The following NLRC4 variants were observed in gnomAD, a reference collection of about 807,000 sequenced individuals.
The protein encoded by NLRC4 is NLR family CARD domain-containing protein 4.
In NLRC4, 63 loss-of-function variants were observed where a neutral mutation model predicts 79.9. That is an observed-to-expected ratio of 0.79 (90% CI 0.64 to 0.97). NLRC4 has a LOEUF of 0.97. Among genes scored for constraint, NLRC4 ranks in the 50% least tolerant of loss-of-function variants. NLRC4 has a pLI of 0.00. For missense variants in NLRC4, 1,074 were observed against 1,215.2 expected (o/e 0.88, Z 1.73); for synonymous variants, 461 against 456.5 (o/e 1.01, Z -0.12).
chr2:32,232,863 C>G (rs1312292116), intron 8 of NLRC4, among the ~76,000 whole-genome samples: 1 of 152,000 alleles, frequency 6.6e-6, no homozygotes, highest in East Asian at 1.9e-4. Context: ...TATTATTTTG[C>G]AGGTAGAACA....
chr2:32,251,592 T>A lies in NLRC4; in HGVS notation c.272A>T (p.His91Leu). 6.3e-7 allele frequency: 1 copy of A among 1,591,056 alleles called. No individual in the cohort carries two copies. The highest frequency in any genetic ancestry group is 8.5e-7 in the Non-Finnish European group (1 of 1,169,680). Residue 91 changes from histidine to leucine, a missense_variant, in exon 4 of 9, where the codon CAT (histidine) becomes CTT (leucine). Transcript: ENST00000402280. ...GTCCAAGTCTCCTTCTGATGTCTGATGAAAAAGACCTATTAGAGAAGAGGT... is the reference window on the plus strand; with the variant it reads ...GTCCAAGTCTCCTTCTGATGTCTGAAGAAAAAGACCTATTAGAGAAGAGGT... ...FQDLNGQSLF[H>L]QTSEGDLDDL... is the part of the protein sequence containing the mutation.
At chr2:32,235,241 T>C (rs1223892788) in intron 8 of NLRC4, among the ~76,000 whole-genome samples, 160 bp downstream of exon 8, 1 of 152,232 alleles carries the variant, frequency 6.6e-6, no homozygotes, top group Non-Finnish European at 1.5e-5. Context: ...GCCAGTGTTT[T>C]AAGTCTTCTT....
upstream of NLRC4, chr2:32,264,918 T>C (rs1687433490): frequency 6.6e-6 from 1 of 152,164 alleles, no homozygotes; most frequent in Non-Finnish European, 1.5e-5. Context: ...CTTTTTTTTT[T>C]TTCAAAGCAC....
chr2:32,256,966 G>T (rs747008509), intron 1 of NLRC4, 73 bp from the exon 2 acceptor site: 1 of 523,430 alleles, frequency 1.9e-6, no homozygotes, highest in Admixed American at 3.2e-5. Flanking sequence ...GTAATGCCCC[G>T]CTTTTCATAG....
chr2:32,237,738 G>A (rs945868710), intron 6 of NLRC4, among the ~76,000 whole-genome samples: 3 of 152,170 alleles, frequency 2.0e-5, no homozygotes, highest in African/African-American at 4.8e-5. Context: ...AGGGCAATGG[G>A]TAGGAATTAG....
chr2:32,259,603 T>G (rs1687291227), intron 1 of NLRC4, among the ~76,000 whole-genome samples: 1 of 152,122 alleles, frequency 6.6e-6, no homozygotes, highest in Non-Finnish European at 1.5e-5. Flanking sequence ...TCACCTACAG[T>G]GAAAGCAGAG....
chr2:32,256,091 T>A (rs984891064), intron 2 of NLRC4, among the ~76,000 whole-genome samples: 12 of 152,166 alleles, frequency 7.9e-5, no homozygotes, highest in African/African-American at 2.4e-4. Context: ...TATCTCCTTG[T>A]ATGTAGACCA....
chr2:32,259,602 G>T (rs1352286454), intron 1 of NLRC4, among the ~76,000 whole-genome samples: 5 of 152,066 alleles, frequency 3.3e-5, no homozygotes, highest in Non-Finnish European at 7.3e-5. Context: ...TTCACCTACA[G>T]TGAAAGCAGA....
chr2:32,257,398 A>C (rs1687231932), intron 1 of NLRC4, among the ~76,000 whole-genome samples: 1 of 152,092 alleles, frequency 6.6e-6, no homozygotes, highest in African/African-American at 2.4e-5. Flanking sequence ...ACGTGAGGTA[A>C]GGAGTTCGAG....
chr2:32,260,766 C>A (rs935058137), intron 1 of NLRC4, among the ~76,000 whole-genome samples: 1 of 152,156 alleles, frequency 6.6e-6, no homozygotes, highest in African/African-American at 2.4e-5. Flanking sequence ...CAGATAGAGA[C>A]CCCATCTGCA....
intron 2 of NLRC4, among the ~76,000 whole-genome samples, chr2:32,254,864 C>A (rs1035503546): frequency 6.6e-6 from 1 of 151,710 alleles, no homozygotes; most frequent in African/African-American, 2.4e-5. Context: ...GTGATCTGCC[C>A]GTCTCAGCTT....
At chr2:32,236,770 T>C (rs1686682645) in intron 6 of NLRC4, among the ~76,000 whole-genome samples, 1 of 152,044 alleles carries the variant, frequency 6.6e-6, no homozygotes, top group Admixed American at 6.6e-5. Context: ...ACAACAAAAA[T>C]GAAATGAGCT....
intron 1 of NLRC4, among the ~76,000 whole-genome samples, chr2:32,260,803 G>C (rs1055476729): frequency 6.6e-6 from 1 of 152,112 alleles, no homozygotes; most frequent in Non-Finnish European, 1.5e-5. Context: ...TGGAATGGCC[G>C]GCTTCTTCGT....
rs79092653 is a variant in NLRC4 at position 32,235,604 on chromosome 2, G to C, written c.2615-36C>G. On this transcript the variant is annotated intron_variant, in intron 7 of 8. Coordinates refer to ENST00000402280, the MANE Select transcript of NLRC4 (RefSeq NM_001199138.2). ...CAAAGAGCAGTTCAGGGACTGGATG[G>C]TCTCAAAACTGAGGAAGAACAAAGG... 2.1e-3 allele frequency: 3,249 copies of C among 1,575,938 alleles called. 50 individuals are homozygous for C. In the African/African-American group the frequency reaches 0.039, roughly 19 times the overall value.
At chr2:32,233,981 A>G (rs1686615302) in intron 8 of NLRC4, among the ~76,000 whole-genome samples, 1 of 152,116 alleles carries the variant, frequency 6.6e-6, no homozygotes, top group Admixed American at 6.6e-5. Flanking sequence ...GGACATATAT[A>G]TGTGTGTGTA....
intron 1 of NLRC4, among the ~76,000 whole-genome samples, chr2:32,260,506 G>A (rs1687318474): frequency 6.6e-6 from 1 of 152,082 alleles, no homozygotes; most frequent in African/African-American, 2.4e-5. Flanking sequence ...TGATAAGTGA[G>A]GATAAGAAAG....
At chr2:32,257,331 G>A (rs1253698634) in intron 1 of NLRC4, among the ~76,000 whole-genome samples, 1 of 152,230 alleles carries the variant, frequency 6.6e-6, no homozygotes, top group Non-Finnish European at 1.5e-5. Context: ...AGTAGGGCTG[G>A]GCGCGGTGGC....
At chr2:32,233,380 C>T (rs111863749) in intron 8 of NLRC4, among the ~76,000 whole-genome samples, 175 of 112,734 alleles carry the variant, frequency 1.6e-3, no homozygotes, top group African/African-American at 5.5e-3. Context: ...ATTGTAGAGA[C>T]GACATGTTAC....
At position 32,251,206 on chromosome 2, in the gene NLRC4, G is replaced by T; in HGVS notation, c.658C>A (p.Leu220Ile). The T allele has an allele frequency of 6.2e-7, 1 of 1,614,204 alleles. No homozygotes were observed. The highest frequency in any genetic ancestry group is 8.5e-7 in the Non-Finnish European group (1 of 1,180,022). Residue 220 changes from leucine to isoleucine, a missense_variant, in exon 4 of 9, where the codon CTC becomes ATC. Coordinates refer to ENST00000402280, the MANE Select transcript of NLRC4 (RefSeq NM_001199138.2). ...CTGATTGTGCCAGGTATATCCAGGA[G>T]TTGATCACAGAGGGTTTCAAAAAGT... ...GGLFETLCDQ[L>I]LDIPGTIRKQ... is the part of the protein sequence containing the mutation.
Sources: allele counts gnomAD v4.1 joint callset (sites outside exome capture counted in the v4.1 genomes callset), GRCh38; gene constraint gnomAD v4.1.1; transcripts MANE v1.5; gene names NCBI Gene and HGNC (gene_info 2026-07-23, HGNC 2026-07-21).